The following ZP3 variants were observed in gnomAD, a reference collection of about 807,000 sequenced individuals.
ZP3 encodes zona pellucida glycoprotein 3, also known as zona pellucida sperm-binding protein 3.
ZP3 carries 21 observed loss-of-function variants against 35.6 expected under a neutral mutation model. The ratio of observed to expected loss-of-function variants is 0.59; its 90% CI spans 0.42 to 0.85. The LOEUF (loss-of-function observed/expected upper bound fraction) is 0.85. Ranked by LOEUF, ZP3 falls within the 40% of genes least tolerant of loss-of-function variation. The pLI is 0.00. For missense variants in ZP3, 437 were observed against 536.5 expected (o/e 0.81, Z 1.83); for synonymous variants, 207 against 214.5 (o/e 0.96, Z 0.31).
At position 76,427,908 on chromosome 7, in the gene ZP3, G is replaced by A. The variant is rs73363139; in HGVS notation, c.313-1607G>A. The stretch of plus-strand genomic sequence containing the variant: ...TTGCCCAGGCTGGTCGTGACTTCCT[G>A]GCCTCAAGCAATCCTCTTCCCTCCC... On this transcript the variant is annotated intron_variant, in intron 1 of 7. Coordinates refer to ENST00000394857, the MANE Select transcript of ZP3 (RefSeq NM_001110354.2). 9.7e-3 allele frequency among the ~76,000 whole-genome samples: 1,476 copies of A among 152,152 alleles called. 26 individuals are homozygous for A. The highest frequency in any genetic ancestry group is 0.034 in the African/African-American group (1,424 of 41,518).
chr7:76,411,558 G>A (rs183329811), intron 1 of ZP3, among the ~76,000 whole-genome samples: 1 of 151,990 alleles, frequency 6.6e-6, no homozygotes, highest in Admixed American at 6.6e-5. Context: ...GACAGAGAGA[G>A]ACCCTGTTTT....
intron 5 of ZP3, among the ~76,000 whole-genome samples, chr7:76,438,945 A>T (rs1319768277): frequency 8.7e-6 from 1 of 115,454 alleles, no homozygotes; most frequent in Non-Finnish European, 1.8e-5. Flanking sequence ...CAGCCTGGCC[A>T]AGATGGTGAA....
intron 5 of ZP3, chr7:76,439,894 C>G (rs1173474861): frequency 6.6e-5 from 16 of 242,946 alleles, no homozygotes; most frequent in Non-Finnish European, 1.6e-5. Flanking sequence ...GTCAGCCAGG[C>G]TGGGGTGCAG....
intron 1 of ZP3, among the ~76,000 whole-genome samples, chr7:76,405,384 A>G (rs556899829): frequency 7.5e-4 from 64 of 85,702 alleles, no homozygotes; most frequent in African/African-American, 2.9e-3. Flanking sequence ...GTTTCACCAT[A>G]TTGGCCAGGC....
chr7:76,402,721 G>T (rs1037906700), intron 1 of ZP3, among the ~76,000 whole-genome samples: 1 of 152,106 alleles, frequency 6.6e-6, no homozygotes, highest in Non-Finnish European at 1.5e-5. Flanking sequence ...CCAGGCTAGA[G>T]TGCAATGGTG....
chr7:76,428,669 T>C (rs1156332150), intron 1 of ZP3: 1 of 152,284 alleles, frequency 6.6e-6, no homozygotes, highest in Non-Finnish European at 1.5e-5. Context: ...GAAGCTGATG[T>C]GGGTTGTTGT....
At chr7:76,401,100 C>T in intron 1 of ZP3, 2 of 1,484,888 alleles carry the variant, frequency 1.3e-6, no homozygotes, top group South Asian at 2.7e-5. Flanking sequence ...GCTCCCTGGT[C>T]CCAGGAACAC....
At chr7:76,432,196 C>CTTT (rs71085413) in intron 2 of ZP3, among the ~76,000 whole-genome samples, 1 of 144,072 alleles carries the variant, frequency 6.9e-6, no homozygotes, top group African/African-American at 2.6e-5. Flanking sequence ...CTTTTCTTTT[C>CTTT]TTTTTTTTTT....
upstream of ZP3, among the ~76,000 whole-genome samples, chr7:76,424,370 T>C (rs1488816943): frequency 6.6e-6 from 1 of 152,218 alleles, no homozygotes; most frequent in Non-Finnish European, 1.5e-5. Context: ...GGCTCACACC[T>C]GTCATCCCAG....
At chr7:76,426,986 T>G (rs1805682836) in intron 1 of ZP3, among the ~76,000 whole-genome samples, 1 of 151,764 alleles carries the variant, frequency 6.6e-6, no homozygotes, top group Non-Finnish European at 1.5e-5. Flanking sequence ...ACCCATGATT[T>G]GGAGGCTGCA....
At chr7:76,404,679 C>T (rs1804942653) in intron 1 of ZP3, among the ~76,000 whole-genome samples, 3 of 152,074 alleles carry the variant, frequency 2.0e-5, no homozygotes, top group Admixed American at 6.6e-5. Flanking sequence ...GCCTGTAATC[C>T]CAGCACTTTG....
intron 1 of ZP3, among the ~76,000 whole-genome samples, chr7:76,402,986 G>A (rs1013377797): frequency 1.3e-5 from 2 of 152,158 alleles, no homozygotes; most frequent in African/African-American, 2.4e-5. Context: ...TTCTTTAGGC[G>A]AACTCAGTTA....
At chr7:76,400,650 A>C in intron 1 of ZP3, 1 of 1,388,228 alleles carries the variant, frequency 7.2e-7, no homozygotes, top group African/African-American at 1.5e-5. Flanking sequence ...CAGCATGCCC[A>C]CTCCAGGATG....
rs1806201709 is a variant in ZP3 at position 76,441,637 on chromosome 7, C to T, written c.1061-205C>T. Among the ~76,000 whole-genome samples, 3 of 152,154 alleles carry T rather than the reference C, an allele frequency of 2.0e-5. No homozygotes were observed. The South Asian group carries it at 6.2e-4, about 32-fold the overall frequency. The stretch of plus-strand genomic sequence containing the variant: ...ACCTGACCTCAGGTGATCTGCCTGC[C>T]TCAGCCTCCCAAAGTGCTGGGATTA... On this transcript the variant is annotated intron_variant, in intron 7 of 7. Coordinates refer to ENST00000394857, the MANE Select transcript of ZP3 (RefSeq NM_001110354.2).
chr7:76,429,297 G>A, intron 1 of ZP3: 1 of 538,532 alleles, frequency 1.9e-6, no homozygotes, highest in East Asian at 3.3e-5. Context: ...TAGAGATGGG[G>A]TCTTGCTATG....
chr7:76,405,274 TATATATATATATA>T (rs1804964368), intron 1 of ZP3, among the ~76,000 whole-genome samples: 57 of 21,248 alleles, frequency 2.7e-3, no homozygotes, highest in South Asian at 7.1e-3. Context: ...CAGCTAATTA[TATATATATATATA>T]TATATATATA....
intron 1 of ZP3, chr7:76,398,939 C>G: frequency 1.3e-6 from 1 of 779,670 alleles, no homozygotes; most frequent in Non-Finnish European, 2.1e-6. Flanking sequence ...GCCAGGAACA[C>G]TGGGGTATGA....
At chr7:76,439,145 A>AAC (rs3972770) in intron 5 of ZP3, among the ~76,000 whole-genome samples, 27,685 of 121,388 alleles carry the variant, frequency 0.23, 226 homozygotes, top group Non-Finnish European at 0.29. Flanking sequence ...AAAAAAAAAA[A>AAC]AAAAAACCTC....
In ZP3 at chr7:76,434,023, C is replaced by T; in HGVS notation, c.714-15C>T. 8.1e-6 allele frequency: 11 copies of T among 1,356,830 alleles called. 2 individuals carry two copies. Among genetic ancestry groups the T allele is most frequent in the Non-Finnish European group, 1.1e-5 (11 of 980,802 alleles). 84.0% of individuals were successfully genotyped at this position (1,356,830 alleles called of 1,614,324 possible). A position where few individuals can be genotyped will look rare whatever the true frequency, so the allele number is the denominator to read the frequency against. On this transcript the variant is annotated splice_polypyrimidine_tract_variant and intron_variant, in intron 4 of 7. Coordinates refer to ENST00000394857, the MANE Select transcript of ZP3 (RefSeq NM_001110354.2). ...CCACCTGTCTGGCTTTAATACCGTT[C>T]TGTTTTCTTCCAAGCTGTCTTGTCG...
Sources: gnomAD v4.1 joint callset for allele counts (sites outside exome capture counted in the v4.1 genomes callset) on GRCh38, gnomAD v4.1.1 for gene constraint, MANE v1.5 for transcripts, NCBI Gene and HGNC (gene_info 2026-07-23, HGNC 2026-07-21) for gene names.